The following HNRNPD variants were observed in gnomAD, a reference collection of about 807,000 sequenced individuals.
The protein encoded by HNRNPD is heterogeneous nuclear ribonucleoprotein D0.
Under a neutral mutation model 47.9 loss-of-function variants are expected in HNRNPD, and 3 were observed. The ratio of observed to expected loss-of-function variants is 0.06; its 90% CI spans 0.03 to 0.16. HNRNPD has a LOEUF of 0.16. Among genes scored for constraint, HNRNPD ranks in the 10% least tolerant of loss-of-function variants. The pLI is 1.00. For missense variants in HNRNPD, 287 were observed against 454.2 expected (o/e 0.63, Z 3.35); for synonymous variants, 171 against 165.1 (o/e 1.04, Z -0.28).
chr4:82,364,651 C>T (rs1313296297), intron 2 of HNRNPD, among the ~76,000 whole-genome samples: 1 of 152,054 alleles, frequency 6.6e-6, no homozygotes, highest in East Asian at 1.9e-4. Context: ...TTTAAATAGT[C>T]CATGTAAAAA....
chr4:82,373,635 G>A lies in HNRNPD; in HGVS notation c.44C>T (p.Ala15Val), dbSNP rs1166696254. ...CGCCGAGCCGCCTACCGCCGCCGTT[G>A]CCGCTGCCGCCGCCCCGTCCCCGCC... ...QFGGDGAAAA[A>V]TAAVGGSAGE... Residue 15 changes from alanine (A) to valine (V), a missense_variant, in exon 1 of 9, where the codon GCA (alanine) becomes GTA (valine). Coordinates refer to ENST00000313899, the MANE Select transcript of HNRNPD (RefSeq NM_031370.3). 8 of 1,525,054 alleles carry A rather than the reference G, an allele frequency of 5.2e-6. No homozygotes were observed. In the African/African-American group the frequency reaches 8.5e-5, roughly 16 times the overall value. 94.5% of individuals were successfully genotyped at this position (1,525,054 alleles called of 1,614,324 possible). A position where few individuals can be genotyped will look rare whatever the true frequency, so the allele number is the denominator to read the frequency against.
chr4:82,363,155 C>T (rs1339884843), intron 2 of HNRNPD, among the ~76,000 whole-genome samples: 2 of 152,002 alleles, frequency 1.3e-5, no homozygotes, highest in East Asian at 1.9e-4. Context: ...AGGCTCACTG[C>T]AACCTCCACC....
intron 2 of HNRNPD, among the ~76,000 whole-genome samples, chr4:82,369,491 T>C (rs1719924589): frequency 6.6e-6 from 1 of 152,230 alleles, no homozygotes; most frequent in African/African-American, 2.4e-5. Flanking sequence ...TAAAGTATTT[T>C]AGGATGAAAC....
intron 2 of HNRNPD, among the ~76,000 whole-genome samples, chr4:82,367,994 C>T (rs187556658): frequency 6.6e-6 from 1 of 152,298 alleles, no homozygotes; most frequent in African/African-American, 2.4e-5. Flanking sequence ...AGAAAGAGAT[C>T]CCACGCTTTC....
At chr4:82,373,238 T>C in intron 1 of HNRNPD, 1 of 741,000 alleles carries the variant, frequency 1.3e-6, no homozygotes, top group Non-Finnish European at 2.3e-6. Flanking sequence ...GAAACGTGTG[T>C]GATGGGGGAG....
intron 4 of HNRNPD, 22 bp downstream of exon 4, chr4:82,358,637 G>A (rs1035578443): frequency 1.9e-6 from 3 of 1,589,150 alleles, no homozygotes; most frequent in African/African-American, 1.4e-5. Flanking sequence ...ACATAAACTG[G>A]GTCAAAACAT....
At chr4:82,364,770 G>A (rs1434492455) in intron 2 of HNRNPD, among the ~76,000 whole-genome samples, 1 of 152,098 alleles carries the variant, frequency 6.6e-6, no homozygotes, top group Non-Finnish European at 1.5e-5. Flanking sequence ...AGTAATTTTA[G>A]TAAAGAATAA....
At chr4:82,363,146 G>A (rs1028429029) in intron 2 of HNRNPD, among the ~76,000 whole-genome samples, 3 of 151,060 alleles carry the variant, frequency 2.0e-5, no homozygotes, top group African/African-American at 7.3e-5. Context: ...GCATGATCTA[G>A]GCTCACTGCA....
rs1029300703 is a variant in HNRNPD at position 82,354,042 on chromosome 4, G to A, written c.*143C>T. 3 of 152,632 alleles carry A rather than the reference G, an allele frequency of 2.0e-5. No individual in the cohort carries two copies. The highest frequency in any genetic ancestry group is 2.1e-4 in the South Asian group (1 of 4,828). The allele number at this position is 152,632 out of a possible 1,614,324, so 9.5% of individuals were successfully genotyped here. On this transcript the variant is annotated 3_prime_UTR_variant, in exon 9 of 9. Transcript: ENST00000313899. ...GAATTAAACTTCAGAGGGACCCAACGTCATACTTCCATTCAGGGACTTGAT... is the reference window on the plus strand; with the variant it reads ...GAATTAAACTTCAGAGGGACCCAACATCATACTTCCATTCAGGGACTTGAT...
intron 1 of HNRNPD, chr4:82,373,078 A>G: frequency 2.1e-6 from 1 of 485,570 alleles, no homozygotes; most frequent in Non-Finnish European, 4.0e-6. Flanking sequence ...GACTGTAGAA[A>G]AAGGGAAAAA....
chr4:82,368,623 A>C (rs59997680), intron 2 of HNRNPD, among the ~76,000 whole-genome samples: 3,051 of 152,292 alleles, frequency 0.02, 115 homozygotes, highest in African/African-American at 0.069. Flanking sequence ...TTAACTCGGG[A>C]AATTTGTCAA....
chr4:82,361,646 A>G (rs995798067), intron 2 of HNRNPD, among the ~76,000 whole-genome samples: 9 of 152,260 alleles, frequency 5.9e-5, no homozygotes, highest in African/African-American at 2.2e-4. Flanking sequence ...TTATATTGGG[A>G]AAATACCCTT....
chr4:82,366,317 C>T (rs1256368822), intron 2 of HNRNPD, among the ~76,000 whole-genome samples: 2 of 152,148 alleles, frequency 1.3e-5, no homozygotes, highest in Non-Finnish European at 2.9e-5. Context: ...GATCTTGGCT[C>T]ACTGCAACCT....
At position 82,373,591 on chromosome 4, in the gene HNRNPD, T is replaced by A; in HGVS notation, c.88A>T (p.Met30Leu). The A allele has an allele frequency of 6.5e-7, 1 of 1,533,594 alleles. No individual in the cohort carries two copies. Among genetic ancestry groups the A allele is most frequent in the East Asian group, 2.5e-5 (1 of 39,914 alleles). The allele number at this position is 1,533,594 out of a possible 1,614,324, so 95.0% of individuals were successfully genotyped here. Residue 30 changes from methionine to leucine, a missense_variant, in exon 1 of 9, where the codon ATG becomes TTG. Around this residue, in one of 5 missense-constraint regions of HNRNPD, gnomAD observed 161 missense variants for 137.1 expected, o/e 1.17. Transcript: ENST00000313899. ...GCTGCCCCCTGTGTCGCCGCCACCA[T>A]GGCTCCCTCCTGCTCGCCCGCCGAG... ...GGSAGEQEGA[M>L]VAATQGAAAA...
intron 4 of HNRNPD, 90 bp downstream of exon 4, chr4:82,358,569 T>G (rs35965249): frequency 8.4e-7 from 1 of 1,193,686 alleles, no homozygotes; most frequent in Non-Finnish European, 1.2e-6. Flanking sequence ...CCTAACAGCT[T>G]TGAAAAGCCA....
In HNRNPD at chr4:82,373,572, C is replaced by T; in HGVS notation, c.107G>A (p.Gly36Glu). Residue 36 changes from glycine (G) to glutamate (E), a missense_variant, in exon 1 of 9, where the codon GGG becomes GAG. By Grantham distance (98) the Gly-to-Glu change is moderately conservative. Coordinates refer to ENST00000313899, the MANE Select transcript of HNRNPD (RefSeq NM_031370.3). ...TCCGCTTCCCGCCGCCGCCGCTGCC[C>T]CCTGTGTCGCCGCCACCATGGCTCC... The part of the protein sequence containing the change: ...QEGAMVAATQ[G>E]AAAAAGSGAG... 6.5e-7 allele frequency: 1 copy of T among 1,539,394 alleles called. No individual in the cohort carries two copies.
chr4:82,360,869 T>G (rs1454447207), intron 2 of HNRNPD, among the ~76,000 whole-genome samples: 1 of 152,208 alleles, frequency 6.6e-6, no homozygotes, highest in Non-Finnish European at 1.5e-5. Flanking sequence ...GTTACTGATC[T>G]TACTATCCTA....
chr4:82,354,264 A>G (rs1723626321), intron 8 of HNRNPD, 110 bp from the exon 9 acceptor site: 2 of 152,284 alleles, frequency 1.3e-5, no homozygotes, highest in Admixed American at 6.5e-5. Flanking sequence ...TAAATACTGT[A>G]TAACATTAAA....
rs770253877 is a variant in HNRNPD, at chr4:82,356,551, T to G, written c.986A>C (p.Tyr329Ser). ...ATAGTACTTACTGCTATAATCACCA[T>G]ATCCATAGTAGTTGTTGTAACCAGT... ...DYTGYNNYYG[Y>S]GDYSNQQSGY... is the part of the protein sequence containing the mutation. The change falls in exon 7 of 9, where the codon TAT becomes TCT. Residue 329 changes from tyrosine to serine, a missense_variant. By Grantham distance (144) the Tyr-to-Ser change is moderately radical (BLOSUM62 -2). Coordinates refer to ENST00000313899, the MANE Select transcript of HNRNPD (RefSeq NM_031370.3). The G allele has an allele frequency of 6.2e-7, 1 of 1,608,156 alleles. No individual in the cohort carries two copies. The highest frequency in any genetic ancestry group is 1.3e-5 in the African/African-American group (1 of 74,906).
Sources: gnomAD v4.1 joint callset for allele counts (sites outside exome capture counted in the v4.1 genomes callset) on GRCh38, gnomAD v4.1.1 for gene constraint, gnomAD v4.1.1 regional missense constraint, MANE v1.5 for transcripts, NCBI Gene and HGNC (gene_info 2026-07-23, HGNC 2026-07-21) for gene names.